KAT14: variants seen among roughly 807,000 people sequenced by gnomAD.
KAT14 encodes lysine acetyltransferase 14.
A neutral mutation model predicts 78.4 loss-of-function variants in KAT14; 66 were observed. The ratio of observed to expected loss-of-function variants is 0.84; its 90% CI spans 0.69 to 1.03. KAT14 has a LOEUF of 1.03. KAT14 is among the 50% of genes least tolerant of loss of function. The pLI is 0.00. For synonymous variants in KAT14, 344 were observed against 359.4 expected (o/e 0.96, Z 0.48); for missense variants, 870 against 972.5 (o/e 0.89, Z 1.40).
At chr20:18,140,015 A>G (rs921914487) in intron 1 of KAT14, among the ~76,000 whole-genome samples, 1 of 152,220 alleles carries the variant, frequency 6.6e-6, no homozygotes, top group Non-Finnish European at 1.5e-5. Flanking sequence ...TGAGGGTCAC[A>G]GGAAGGATGT....
At chr20:18,143,209 A>G (rs2037657188) in intron 2 of KAT14, 3 of 1,118,826 alleles carry the variant, frequency 2.7e-6, no homozygotes, top group Non-Finnish European at 3.3e-6. Flanking sequence ...TTTTCTAACA[A>G]GGTCACAGAG....
intron 7 of KAT14, among the ~76,000 whole-genome samples, chr20:18,180,078 A>G (rs1270537818): frequency 1.3e-5 from 2 of 152,250 alleles, no homozygotes; most frequent in East Asian, 3.9e-4. Context: ...CATGTTGGCC[A>G]GGCTGGTCTT....
intron 7 of KAT14, among the ~76,000 whole-genome samples, chr20:18,166,528 A>G (rs2038647432): frequency 6.6e-6 from 1 of 152,242 alleles, no homozygotes; most frequent in Admixed American, 6.5e-5. Context: ...TCTTTAAAAG[A>G]AACTGTTATT....
chr20:18,169,246 A>G, intron 7 of KAT14, among the ~76,000 whole-genome samples: 1 of 152,290 alleles, frequency 6.6e-6, no homozygotes, highest in Middle Eastern at 3.4e-3. Flanking sequence ...CATATTAAAC[A>G]TATTATAGGC....
intron 8 of KAT14, among the ~76,000 whole-genome samples, chr20:18,182,761 G>C (rs988027103): frequency 6.6e-6 from 1 of 152,148 alleles, no homozygotes; most frequent in Non-Finnish European, 1.5e-5. Flanking sequence ...TGTGTCTCTG[G>C]TGTTCCCCAA....
chr20:18,161,693 T>C (rs527662892), intron 5 of KAT14, 130 bp from the exon 6 acceptor site: 12 of 1,294,286 alleles, frequency 9.3e-6, no homozygotes, highest in Middle Eastern at 2.7e-4. Context: ...TATTTCTGGG[T>C]TTGGGATACT....
intron 7 of KAT14, among the ~76,000 whole-genome samples, chr20:18,166,892 C>T (rs574464706): frequency 6.6e-6 from 1 of 152,382 alleles, no homozygotes; most frequent in South Asian, 2.1e-4. Flanking sequence ...GGTGAGACCT[C>T]TGTTGAGGAC....
Position 18,142,212 on chromosome 20 carries a change from T to A in KAT14, c.-449T>A. 2 of 1,536,950 alleles carry A rather than the reference T, an allele frequency of 1.3e-6. No homozygotes were observed. Among genetic ancestry groups the A allele is most frequent in the Non-Finnish European group, 8.7e-7 (1 of 1,146,722 alleles). On this transcript the variant is annotated 5_prime_UTR_variant, in exon 2 of 11. Coordinates refer to ENST00000688188, the MANE Select transcript of KAT14 (RefSeq NM_001392073.1). ...ATCTGTTTCTTACGTTTTTAGAGGC[T>A]TCGTGACGGAGTTATCAGAGACATT...
chr20:18,138,017 C>A lies in KAT14; in HGVS notation c.-488C>A. 2 of 1,499,216 alleles carry A rather than the reference C, an allele frequency of 1.3e-6. No individual in the cohort carries two copies. The highest frequency in any genetic ancestry group is 2.2e-5 in the Admixed American group (1 of 46,112). The allele number at this position is 1,499,216 out of a possible 1,614,324, so 92.9% of individuals were successfully genotyped here. Reference sequence around the variant, plus strand: ...GTGCTGCTGACGGCGGCCACAGTGGCCGGCGTACATGTGAAGCAGCAGTGG... The same window carrying A: ...GTGCTGCTGACGGCGGCCACAGTGGACGGCGTACATGTGAAGCAGCAGTGG... On this transcript the variant is annotated 5_prime_UTR_variant, in exon 1 of 11. Transcript: ENST00000688188.
At chr20:18,155,749 C>T (rs901068202) in intron 4 of KAT14, among the ~76,000 whole-genome samples, 2 of 152,026 alleles carry the variant, frequency 1.3e-5, no homozygotes, top group Non-Finnish European at 2.9e-5. Flanking sequence ...CAACTGTGGG[C>T]GAGAATGTGG....
chr20:18,144,082 T>C (rs1007796005), intron 2 of KAT14, among the ~76,000 whole-genome samples: 1 of 152,262 alleles, frequency 6.6e-6, no homozygotes, highest in Non-Finnish European at 1.5e-5. Flanking sequence ...GTAATATAAT[T>C]TGTAACCAAG....
At chr20:18,179,011 G>T (rs1413586936) in intron 7 of KAT14, among the ~76,000 whole-genome samples, 5 of 152,130 alleles carry the variant, frequency 3.3e-5, no homozygotes, top group Non-Finnish European at 7.3e-5. Flanking sequence ...AAAACAAAGG[G>T]GTTACAGGGC....
intron 1 of KAT14, among the ~76,000 whole-genome samples, chr20:18,138,918 A>G (rs1377661980): frequency 6.6e-6 from 1 of 152,248 alleles, no homozygotes; most frequent in Non-Finnish European, 1.5e-5. Flanking sequence ...TGCTGAGAAC[A>G]GGGTCATTGG....
chr20:18,167,157 G>GT lies in KAT14; in HGVS notation c.1668+4213dup, dbSNP rs11483601. On this transcript the variant is annotated intron_variant, in intron 7 of 10. Coordinates refer to ENST00000688188, the MANE Select transcript of KAT14 (RefSeq NM_001392073.1). ...TGGGGATCATACTGCTTTCCACATG[G>GT]TGTTTGCCTGCTCCTTATTTTATTG... 9.4e-3 allele frequency among the ~76,000 whole-genome samples: 1,432 copies of GT among 152,282 alleles called. 14 individuals carry two copies. Among genetic ancestry groups the GT allele is most frequent in the African/African-American group, 0.033 (1,353 of 41,544 alleles).
intron 1 of KAT14, among the ~76,000 whole-genome samples, chr20:18,141,128 C>T: frequency 6.8e-6 from 1 of 148,042 alleles, no homozygotes. Context: ...GTCTGCCTGC[C>T]TTGGCCTAAG....
intron 4 of KAT14, among the ~76,000 whole-genome samples, chr20:18,154,371 G>A (rs1051321799): frequency 6.6e-6 from 1 of 152,186 alleles, no homozygotes; most frequent in Non-Finnish European, 1.5e-5. Context: ...GGAGTGCAGC[G>A]GCGTGATCTC....
In KAT14 at chr20:18,142,396, TTG is replaced by T. The variant is rs778556571; in HGVS notation, c.-253_-252del. ...TATCTGTTGGACAGACAACACGAGTTTGTGTGTGTGTGTTGATGGAGAGTAGC... is the reference window on the plus strand; with the variant it reads ...TATCTGTTGGACAGACAACACGAGTTTGTGTGTGTGTTGATGGAGAGTAGC... On this transcript the variant is annotated 5_prime_UTR_variant, in exon 2 of 11. Coordinates refer to ENST00000688188, the MANE Select transcript of KAT14 (RefSeq NM_001392073.1). The T allele has an allele frequency of 1.1e-4, 167 of 1,466,886 alleles. No individual in the cohort carries two copies. Among genetic ancestry groups the T allele is most frequent in the Admixed American group, 4.2e-4 (20 of 47,754 alleles). 90.9% of individuals were successfully genotyped at this position (1,466,886 alleles called of 1,614,324 possible).
intron 6 of KAT14, 62 bp from the exon 7 acceptor site, chr20:18,162,315 G>A (rs2038459770): frequency 1.2e-6 from 2 of 1,604,412 alleles, no homozygotes; most frequent in South Asian, 2.2e-5. Flanking sequence ...CACCCCGTGG[G>A]CTGTGTGCTC....
chr20:18,164,073 A>G (rs778528949), intron 7 of KAT14, among the ~76,000 whole-genome samples: 1 of 152,236 alleles, frequency 6.6e-6, no homozygotes, highest in African/African-American at 2.4e-5. Context: ...TTTATCTACT[A>G]AAATGGGCAG....
Sources: allele counts gnomAD v4.1 joint callset (sites outside exome capture counted in the v4.1 genomes callset), GRCh38; gene constraint gnomAD v4.1.1; transcripts MANE v1.5; gene names NCBI Gene and HGNC (gene_info 2026-07-23, HGNC 2026-07-21).